Variants in ANKS1B observed in about 807,000 individuals in gnomAD.
The protein encoded by ANKS1B is ankyrin repeat and sterile alpha motif domain-containing protein 1B.
A neutral mutation model predicts 148.3 loss-of-function variants in ANKS1B; 36 were observed. The ratio of observed to expected loss-of-function variants is 0.24; its 90% CI spans 0.19 to 0.32. ANKS1B has a LOEUF of 0.32. Ranked by LOEUF, ANKS1B falls within the 10% of genes least tolerant of loss-of-function variation. The probability of loss-of-function intolerance (pLI) is 1.00; values close to 1 mark genes in which losing one functional copy is unlikely to be tolerated. For synonymous variants in ANKS1B, 542 were observed against 560.8 expected (o/e 0.97, Z 0.47); for missense variants, 1,157 against 1,542.6 (o/e 0.75, Z 4.19).
intron 22 of ANKS1B, among the ~76,000 whole-genome samples, chr12:98,787,707 C>T (rs953807545): frequency 1.3e-5 from 2 of 150,902 alleles, no homozygotes; most frequent in Non-Finnish European, 3.0e-5. Context: ...ATTGCCTGAG[C>T]TCAGGAGTTC....
intron 15 of ANKS1B, among the ~76,000 whole-genome samples, chr12:99,126,170 TAGTTTTTGG>T (rs2064277892): frequency 6.6e-6 from 1 of 152,142 alleles, no homozygotes; most frequent in Non-Finnish European, 1.5e-5. Flanking sequence ...ACATTATGAA[TAGTTTTTGG>T]AGTTTTGGGA....
chr12:99,629,412 T>C (rs975689644), intron 9 of ANKS1B, among the ~76,000 whole-genome samples: 1 of 152,184 alleles, frequency 6.6e-6, no homozygotes, highest in Admixed American at 6.5e-5. Context: ...CTAAGTGACT[T>C]GGAATGTAAT....
intron 10 of ANKS1B, among the ~76,000 whole-genome samples, chr12:99,460,889 C>A (rs888974746): frequency 6.6e-6 from 1 of 152,076 alleles, no homozygotes; most frequent in South Asian, 2.1e-4. Flanking sequence ...CAATCCCACT[C>A]CTGGGTACCT....
chr12:99,270,813 A>G (rs1224263164), intron 12 of ANKS1B, among the ~76,000 whole-genome samples: 1 of 152,240 alleles, frequency 6.6e-6, no homozygotes, highest in East Asian at 1.9e-4. Context: ...AGTGGTGTGC[A>G]GTATCACTTT....
At chr12:99,757,443 G>A (rs538413630) in intron 8 of ANKS1B, among the ~76,000 whole-genome samples, 9 of 151,926 alleles carry the variant, frequency 5.9e-5, no homozygotes, top group South Asian at 2.1e-4. Flanking sequence ...CATAACAGAC[G>A]CTGGCAAGGT....
chr12:99,947,490 T>TA (rs2095098437), intron 1 of ANKS1B, among the ~76,000 whole-genome samples: 1 of 151,912 alleles, frequency 6.6e-6, no homozygotes, highest in Non-Finnish European at 1.5e-5. Flanking sequence ...ATGAAAAGAA[T>TA]AAAAAATAGA....
Position 99,503,495 on chromosome 12 carries a change from C to T in ANKS1B, c.1438+981G>A, listed in dbSNP as rs150935592. Among the ~76,000 whole-genome samples, 166 of 152,196 alleles carry T rather than the reference C, an allele frequency of 1.1e-3. 1 individual carries two copies. The highest frequency in any genetic ancestry group is 3.6e-3 in the African/African-American group (151 of 41,540). On this transcript the variant is annotated intron_variant, in intron 10 of 26. Transcript: ENST00000683438. ...TTCTTTTTATTCTTTATCTTCAATA[C>T]CTTGCTCTACCAGAAAATTCCTCTA...
At chr12:99,109,882 C>T (rs2059954192) in intron 15 of ANKS1B, among the ~76,000 whole-genome samples, 1 of 152,190 alleles carries the variant, frequency 6.6e-6, no homozygotes, top group Admixed American at 6.5e-5. Flanking sequence ...CTCACAGCAC[C>T]TCTGTGCAGT....
intron 17 of ANKS1B, among the ~76,000 whole-genome samples, chr12:99,014,033 G>T (rs149002745): frequency 4.3e-4 from 66 of 151,936 alleles, no homozygotes; most frequent in African/African-American, 1.5e-3. Flanking sequence ...TTCATATGGA[G>T]CCAAAAAAAG....
intron 11 of ANKS1B, 30 bp downstream of exon 11, chr12:99,443,643 A>T: frequency 6.2e-7 from 1 of 1,608,986 alleles, no homozygotes; most frequent in Non-Finnish European, 8.5e-7. Flanking sequence ...AACACATTAG[A>T]GGGAAAATGA....
At chr12:99,280,945 A>T (rs75621799) in intron 12 of ANKS1B, among the ~76,000 whole-genome samples, 6,971 of 146,664 alleles carry the variant, frequency 0.048, 568 homozygotes, top group East Asian at 0.32. Context: ...ACACACACAC[A>T]CTCTCTCTCT....
chr12:99,484,851 G>A (rs562012058), intron 10 of ANKS1B, among the ~76,000 whole-genome samples: 12 of 139,992 alleles, frequency 8.6e-5, no homozygotes, highest in South Asian at 2.2e-4. Flanking sequence ...TTTTGTTTCC[G>A]TTTGTGTGGA....
intron 15 of ANKS1B, among the ~76,000 whole-genome samples, chr12:99,087,068 A>G (rs190586115): frequency 6.6e-6 from 1 of 152,294 alleles, no homozygotes; most frequent in East Asian, 1.9e-4. Context: ...GAACATGTGG[A>G]ATGATGCAGA....
chr12:99,524,588 T>C lies in ANKS1B; in HGVS notation c.1273-19947A>G, dbSNP rs556751753. On this transcript the variant is annotated intron_variant, in intron 9 of 26. Coordinates refer to ENST00000683438, the MANE Select transcript of ANKS1B (RefSeq NM_001352186.2). ...GGAGCTTGAAGTTAGCCATATGTAT[T>C]AGTCTGTTTTCATGCCGCTCATAAA... is the stretch of plus-strand genomic sequence containing the variant. 3.3e-5 allele frequency among the ~76,000 whole-genome samples: 5 copies of C among 152,248 alleles called. No homozygotes were observed. The South Asian group carries it at 8.3e-4, about 25-fold the overall frequency.
chr12:99,590,906 A>T (rs1047333481), intron 9 of ANKS1B, among the ~76,000 whole-genome samples: 1 of 152,154 alleles, frequency 6.6e-6, no homozygotes, highest in Non-Finnish European at 1.5e-5. Context: ...CTGATTTTAC[A>T]TGTTTATTTT....
At chr12:99,418,529 T>G (rs145675754) in intron 11 of ANKS1B, among the ~76,000 whole-genome samples, 91 of 152,322 alleles carry the variant, frequency 6.0e-4, no homozygotes, top group African/African-American at 2.1e-3. Context: ...GTTTTTGTTT[T>G]GTTTTGTTTT....
intron 17 of ANKS1B, among the ~76,000 whole-genome samples, chr12:99,009,697 T>C (rs1445168534): frequency 2.0e-5 from 3 of 152,074 alleles, no homozygotes; most frequent in Admixed American, 1.3e-4. Context: ...AGGCAGAATG[T>C]GAAATAAGTG....
At chr12:99,252,099 T>C (rs747037083) in intron 12 of ANKS1B, among the ~76,000 whole-genome samples, 6 of 152,238 alleles carry the variant, frequency 3.9e-5, no homozygotes, top group Admixed American at 6.5e-5. Flanking sequence ...AGGAAATGTC[T>C]TTCTCAGGAG....
At chr12:98,923,710 A>G (rs1372131173) in intron 17 of ANKS1B, among the ~76,000 whole-genome samples, 1 of 152,216 alleles carries the variant, frequency 6.6e-6, no homozygotes, top group Non-Finnish European at 1.5e-5. Context: ...TAAAAAAAAT[A>G]AAGAATTCTC....
Sources: gnomAD v4.1 joint callset for allele counts (sites outside exome capture counted in the v4.1 genomes callset) on GRCh38, gnomAD v4.1.1 for gene constraint, MANE v1.5 for transcripts, NCBI Gene and HGNC (gene_info 2026-07-23, HGNC 2026-07-21) for gene names.